The following MCTP1 variants were observed in gnomAD, a reference collection of about 807,000 sequenced individuals.
The protein encoded by MCTP1 is multiple C2 and transmembrane domain-containing protein 1.
MCTP1 carries 69 observed loss-of-function variants against 120.6 expected under a neutral mutation model. The ratio of observed to expected loss-of-function variants is 0.57; its 90% CI spans 0.47 to 0.70. MCTP1 has a LOEUF of 0.70. Ranked by LOEUF, MCTP1 falls within the 30% of genes least tolerant of loss-of-function variation. The pLI is 0.00. For synonymous variants in MCTP1, 529 were observed against 493.1 expected, an observed-to-expected ratio of 1.07 and a Z score of -0.96; for missense variants, 1,203 against 1,248.8, an observed-to-expected ratio of 0.96 and a Z score of 0.55.
intron 19 of MCTP1, among the ~76,000 whole-genome samples, chr5:94,726,407 G>C (rs1338939349): frequency 6.6e-6 from 1 of 152,204 alleles, no homozygotes; most frequent in Non-Finnish European, 1.5e-5. Flanking sequence ...TCTTCAGTAA[G>C]CCTCATGGCT....
chr5:95,111,499 G>C (rs528470450), intron 1 of MCTP1, among the ~76,000 whole-genome samples: 5 of 152,228 alleles, frequency 3.3e-5, no homozygotes, highest in Admixed American at 1.3e-4. Context: ...TCTATTTCCA[G>C]ATTAGCCTAT....
intron 5 of MCTP1, among the ~76,000 whole-genome samples, chr5:94,935,526 TTTGA>T (rs1815982285): frequency 6.6e-6 from 1 of 152,044 alleles, no homozygotes; most frequent in Admixed American, 6.6e-5. Context: ...CTATTTCCTA[TTTGA>T]TTGTTAGGAT....
At chr5:95,174,997 G>A (rs1053367349) in intron 1 of MCTP1, among the ~76,000 whole-genome samples, 2 of 151,830 alleles carry the variant, frequency 1.3e-5, no homozygotes, top group African/African-American at 4.8e-5. Context: ...CAACTGCTAA[G>A]TTTTTTGGTA....
At chr5:94,905,352 T>G (rs1363397462) in intron 10 of MCTP1, among the ~76,000 whole-genome samples, 1 of 152,288 alleles carries the variant, frequency 6.6e-6, no homozygotes, top group East Asian at 1.9e-4. Context: ...GCAAAACAAT[T>G]AAAGGATTTG....
chr5:95,220,486 C>T (rs1753568153), intron 1 of MCTP1, among the ~76,000 whole-genome samples: 1 of 152,154 alleles, frequency 6.6e-6, no homozygotes, highest in East Asian at 1.9e-4. Context: ...TTTGTTTCTC[C>T]TTCTTCCTCT....
intron 19 of MCTP1, among the ~76,000 whole-genome samples, chr5:94,720,798 T>C (rs1760718019): frequency 6.6e-6 from 1 of 152,246 alleles, no homozygotes; most frequent in Non-Finnish European, 1.5e-5. Flanking sequence ...TTGTCTATTT[T>C]TAATATTTTT....
intron 19 of MCTP1, among the ~76,000 whole-genome samples, chr5:94,758,275 A>G (rs1480611761): frequency 6.6e-6 from 1 of 152,220 alleles, no homozygotes; most frequent in Non-Finnish European, 1.5e-5. Flanking sequence ...GAAAAGTACT[A>G]TATCTTGATT....
At chr5:94,875,749 C>CT (rs397960364) in intron 12 of MCTP1, among the ~76,000 whole-genome samples, 2,700 of 138,318 alleles carry the variant, frequency 0.02, 72 homozygotes, top group African/African-American at 0.059. Flanking sequence ...CAAGTCAGTT[C>CT]TTTTTTTTTT....
At chr5:94,839,405 A>C (rs1297682228) in intron 17 of MCTP1, among the ~76,000 whole-genome samples, 4 of 152,034 alleles carry the variant, frequency 2.6e-5, no homozygotes, top group African/African-American at 9.7e-5. Context: ...CCCTGCTCTC[A>C]AGTTTTCACA....
intron 6 of MCTP1, among the ~76,000 whole-genome samples, chr5:94,926,544 TGGAG>T (rs1813172963): frequency 6.6e-6 from 1 of 152,238 alleles, no homozygotes; most frequent in East Asian, 1.9e-4. Context: ...ACCAGGGCTT[TGGAG>T]CCAGGATCCT....
Position 95,284,496 on chromosome 5 carries a change from T to C in MCTP1, c.80A>G (p.Asn27Ser). The C allele has an allele frequency of 2.0e-6, 3 of 1,491,642 alleles. No individual in the cohort carries two copies. The highest frequency in any genetic ancestry group is 2.7e-6 in the Non-Finnish European group (3 of 1,121,886). The allele number at this position is 1,491,642 out of a possible 1,614,324, so 92.4% of individuals were successfully genotyped here. Reference protein sequence around the residue: ...SSSFQARLWKNLQLGVGRSKG... With the variant: ...SSSFQARLWKSLQLGVGRSKG... ...GCTCCTGCCCACCCCCAGCTGCAGGTTCTTCCAGAGCCGGGCCTGGAAGGA... is the reference window on the plus strand; with the variant it reads ...GCTCCTGCCCACCCCCAGCTGCAGGCTCTTCCAGAGCCGGGCCTGGAAGGA... The change falls in exon 1 of 23, where the codon AAC becomes AGC. Residue 27 changes from asparagine (N) to serine (S), a missense_variant. This residue lies in a region of MCTP1 where 463 missense variants were observed against 377.8 expected (regional missense o/e 1.23). Coordinates refer to ENST00000515393, the MANE Select transcript of MCTP1 (RefSeq NM_024717.7). The surrounding 1 kb of genome is among the most constrained non-coding windows in gnomAD (Gnocchi z 5.2).
chr5:95,052,434 A>C (rs1038153667), intron 1 of MCTP1, among the ~76,000 whole-genome samples: 2 of 152,132 alleles, frequency 1.3e-5, no homozygotes, highest in African/African-American at 4.8e-5. Context: ...TTTTGGTGGC[A>C]ATTTAACTGG....
intron 1 of MCTP1, among the ~76,000 whole-genome samples, chr5:95,110,177 T>C (rs926735538): frequency 6.6e-6 from 1 of 152,086 alleles, no homozygotes; most frequent in African/African-American, 2.4e-5. Flanking sequence ...CAGCTTACTC[T>C]CTAACAAGAT....
intron 1 of MCTP1, among the ~76,000 whole-genome samples, chr5:95,186,662 T>G (rs1346223746): frequency 6.6e-6 from 1 of 152,218 alleles, no homozygotes; most frequent in Non-Finnish European, 1.5e-5. Context: ...AAAATTTATA[T>G]GGAAATGCAT....
At chr5:95,003,202 T>C (rs1021165065) in intron 2 of MCTP1, among the ~76,000 whole-genome samples, 2 of 152,224 alleles carry the variant, frequency 1.3e-5, no homozygotes, top group East Asian at 3.8e-4. Context: ...GGGTATTTCT[T>C]ATAGCAACAT....
At position 95,235,710 on chromosome 5, in the gene MCTP1, G is replaced by A. The variant is rs75652596; in HGVS notation, c.720+48146C>T. 2.7e-3 allele frequency among the ~76,000 whole-genome samples: 412 copies of A among 152,106 alleles called. 2 individuals are homozygous for A. The highest frequency in any genetic ancestry group is 9.4e-3 in the African/African-American group (391 of 41,508). On this transcript the variant is annotated intron_variant, in intron 1 of 22. Transcript: ENST00000515393. Reference sequence around the variant, plus strand: ...TCTGCTCATTTAATAAATACCTATTGCTTATTCACCAAAAAAGGAAGAAGT... The same window carrying A: ...TCTGCTCATTTAATAAATACCTATTACTTATTCACCAAAAAAGGAAGAAGT...
chr5:95,217,172 C>G (rs989430215), intron 1 of MCTP1, among the ~76,000 whole-genome samples: 3 of 152,144 alleles, frequency 2.0e-5, no homozygotes, highest in Non-Finnish European at 4.4e-5. Flanking sequence ...ATTCATATTT[C>G]CTAGTATTGT....
chr5:95,215,479 G>A (rs1408652914), intron 1 of MCTP1, among the ~76,000 whole-genome samples: 3 of 152,190 alleles, frequency 2.0e-5, no homozygotes, highest in African/African-American at 7.2e-5. Flanking sequence ...TGGCAGAGAG[G>A]AGAGGCCATA....
At chr5:95,004,708 G>A (rs190942109) in intron 2 of MCTP1, among the ~76,000 whole-genome samples, 36 of 152,364 alleles carry the variant, frequency 2.4e-4, no homozygotes, top group Middle Eastern at 6.8e-3. Flanking sequence ...GGTGCACAGA[G>A]GGCAACAGTT....
Sources: allele counts gnomAD v4.1 joint callset (sites outside exome capture counted in the v4.1 genomes callset), GRCh38; gene constraint gnomAD v4.1.1; regional missense constraint gnomAD v4.1.1; non-coding constraint Gnocchi (gnomAD v3.1); transcripts MANE v1.5; gene names NCBI Gene and HGNC (gene_info 2026-07-23, HGNC 2026-07-21).